ITGB3BP: variants seen among roughly 807,000 people sequenced by gnomAD.
ITGB3BP encodes the protein integrin subunit beta 3 binding protein, also known as centromere protein R.
In ITGB3BP, 27 loss-of-function variants were observed where a neutral mutation model predicts 29.1. That is an observed-to-expected ratio of 0.93 (90% CI 0.68 to 1.28). The LOEUF (loss-of-function observed/expected upper bound fraction) is 1.28. ITGB3BP is among the 50% of genes most tolerant of loss of function. The pLI, the probability that ITGB3BP is intolerant of heterozygous loss-of-function variation, is 0.00. For missense variants in ITGB3BP, 192 were observed against 200.2 expected, an observed-to-expected ratio of 0.96 and a Z score of 0.25; for synonymous variants, 61 against 61.4, an observed-to-expected ratio of 0.99 and a Z score of 0.03.
intron 4 of ITGB3BP, among the ~76,000 whole-genome samples, chr1:63,476,381 A>G (rs1235080545): frequency 2.6e-5 from 4 of 152,146 alleles, no homozygotes; most frequent in Non-Finnish European, 5.9e-5. Context: ...TTATTTTTAT[A>G]TGTTGTAAAA....
intron 4 of ITGB3BP, among the ~76,000 whole-genome samples, chr1:63,475,398 A>T (rs904389935): frequency 6.6e-6 from 1 of 152,190 alleles, no homozygotes. Context: ...TCTACAAAAA[A>T]ATAAAAGAAT....
At chr1:63,475,476 G>A (rs1194481713) in intron 4 of ITGB3BP, among the ~76,000 whole-genome samples, 1 of 152,152 alleles carries the variant, frequency 6.6e-6, no homozygotes, top group Non-Finnish European at 1.5e-5. Flanking sequence ...GATAACTCGA[G>A]CCCAACAGGT....
upstream of ITGB3BP, among the ~76,000 whole-genome samples, chr1:63,524,794 C>T (rs1004027809): frequency 1.3e-5 from 2 of 152,096 alleles, no homozygotes; most frequent in African/African-American, 4.8e-5. Context: ...TCAATTTCCT[C>T]ATCTGTAAAA....
chr1:63,485,349 T>C (rs1476092630), intron 3 of ITGB3BP, among the ~76,000 whole-genome samples: 1 of 152,046 alleles, frequency 6.6e-6, no homozygotes, highest in East Asian at 1.9e-4. Flanking sequence ...CCTTAAAATA[T>C]TGTCTAAAAC....
At chr1:63,496,139 C>T (rs1309434792) in intron 2 of ITGB3BP, among the ~76,000 whole-genome samples, 2 of 150,956 alleles carry the variant, frequency 1.3e-5, no homozygotes, top group Admixed American at 6.6e-5. Context: ...GTTACCCAGG[C>T]GGGAGTGCAG....
chr1:63,460,500 T>C (rs1253676212), intron 4 of ITGB3BP, among the ~76,000 whole-genome samples: 6 of 152,226 alleles, frequency 3.9e-5, no homozygotes, highest in Admixed American at 2.0e-4. Flanking sequence ...CATAAATAAA[T>C]AATATTCCAC....
At chr1:63,460,128 ATT>A (rs1644994052) in intron 4 of ITGB3BP, among the ~76,000 whole-genome samples, 1 of 152,112 alleles carries the variant, frequency 6.6e-6, no homozygotes, top group African/African-American at 2.4e-5. Flanking sequence ...TTCTAAAAAA[ATT>A]TCTTATTGTG....
At chr1:63,503,394 G>T (rs894117522) in intron 2 of ITGB3BP, among the ~76,000 whole-genome samples, 16 of 151,992 alleles carry the variant, frequency 1.1e-4, no homozygotes, top group African/African-American at 3.6e-4. Flanking sequence ...TGAGTTCATT[G>T]TAGATTCTGG....
Position 63,478,784 on chromosome 1 carries a change from A to T in ITGB3BP, c.234T>A (p.Ser78=), listed in dbSNP as rs776542434. 86 of 1,463,838 alleles carry T rather than the reference A, an allele frequency of 5.9e-5. No individual in the cohort carries two copies. Among genetic ancestry groups the T allele is most frequent in the Non-Finnish European group, 8.0e-5 (86 of 1,079,980 alleles). The allele number at this position is 1,463,838 out of a possible 1,614,324, so 90.7% of individuals were successfully genotyped here. Residue 78 remains serine (S), a synonymous_variant, in exon 4 of 9, where the codon TCT becomes TCA. Coordinates refer to ENST00000271002, the MANE Select transcript of ITGB3BP (RefSeq NM_014288.5). ...NHPSLTESKE[S]TTKDNDEFMM... ...CTTACTCATCATTGTCTTTTGTTGT[A>T]GATTCTTTGCTTTCAGTTAAACTGG...
At chr1:63,527,902 AGAT>A (rs1317219574), upstream of ITGB3BP, 1 of 152,216 alleles carries the variant, frequency 6.6e-6, no homozygotes, top group Non-Finnish European at 1.5e-5. Context: ...ACTGAACAGA[AGAT>A]ATAATTTTCT....
chr1:63,484,410 TG>T (rs1264858560), intron 3 of ITGB3BP, among the ~76,000 whole-genome samples: 2 of 152,088 alleles, frequency 1.3e-5, no homozygotes, highest in Admixed American at 6.5e-5. Context: ...TTTAGTATAA[TG>T]TAGGTATAAA....
chr1:63,468,839 C>A (rs1336694231), intron 4 of ITGB3BP, among the ~76,000 whole-genome samples: 2 of 149,808 alleles, frequency 1.3e-5, no homozygotes, highest in African/African-American at 2.5e-5. Context: ...TCAGCCTGGG[C>A]AATAAGAGCA....
intron 8 of ITGB3BP, chr1:63,446,486 A>G (rs1426826986): frequency 4.0e-6 from 1 of 249,342 alleles, no homozygotes; most frequent in Non-Finnish European, 7.8e-6. Context: ...CTATTTAGCT[A>G]GTCTATTTAG....
chr1:63,449,097 G>A (rs78681755), intron 7 of ITGB3BP, among the ~76,000 whole-genome samples: 1,874 of 152,126 alleles, frequency 0.012, 39 homozygotes, highest in African/African-American at 0.043. Flanking sequence ...GATTTAATAC[G>A]CAACAATGTC....
intron 2 of ITGB3BP, among the ~76,000 whole-genome samples, chr1:63,505,528 C>T (rs1272865198): frequency 1.3e-5 from 2 of 152,030 alleles, no homozygotes; most frequent in Non-Finnish European, 2.9e-5. Flanking sequence ...CTGCTCTGAT[C>T]TTAGGTATTT....
At chr1:63,523,479 G>A (rs1404456401), upstream of ITGB3BP, 4 of 385,194 alleles carry the variant, frequency 1.0e-5, no homozygotes, top group Non-Finnish European at 1.9e-5. Context: ...TAGCCGGATC[G>A]TTTGGAGAAG....
chr1:63,491,005 T>A (rs1430354610), intron 2 of ITGB3BP, among the ~76,000 whole-genome samples: 1 of 3,160 alleles, frequency 3.2e-4, no homozygotes, highest in African/African-American at 3.6e-4. Flanking sequence ...GGTTCATACA[T>A]CCAATTATTA....
At chr1:63,477,806 T>C (rs1341974942) in intron 4 of ITGB3BP, among the ~76,000 whole-genome samples, 1 of 152,130 alleles carries the variant, frequency 6.6e-6, no homozygotes, top group East Asian at 1.9e-4. Context: ...GTGTGGTACA[T>C]AGAAGATACA....
At chr1:63,523,844 T>G (rs1646524752), upstream of ITGB3BP, among the ~76,000 whole-genome samples, 1 of 152,224 alleles carries the variant, frequency 6.6e-6, no homozygotes, top group African/African-American at 2.4e-5. Flanking sequence ...TATTTCACTG[T>G]GTAGGGACGG....
Sources: allele counts gnomAD v4.1 joint callset (sites outside exome capture counted in the v4.1 genomes callset), GRCh38; gene constraint gnomAD v4.1.1; transcripts MANE v1.5; gene names NCBI Gene and HGNC (gene_info 2026-07-23, HGNC 2026-07-21).